Variants in AGBL4 observed in about 807,000 individuals in gnomAD.
The protein encoded by AGBL4 is cytosolic carboxypeptidase 6.
Under a neutral mutation model 66.4 loss-of-function variants are expected in AGBL4, and 58 were observed. The observed-to-expected ratio is 0.87, with a 90% CI of 0.71 to 1.09. The LOEUF (loss-of-function observed/expected upper bound fraction) is 1.09, where lower values mean the gene tolerates loss of function less well. Among genes scored for constraint, AGBL4 ranks in the 50% least tolerant of loss-of-function variants. The pLI is 0.00. For synonymous variants in AGBL4, 234 were observed against 222.9 expected, an observed-to-expected ratio of 1.05 and a Z score of -0.44; for missense variants, 579 against 631.0, an observed-to-expected ratio of 0.92 and a Z score of 0.88.
chr1:49,492,289 T>C (rs1018267758), intron 3 of AGBL4, among the ~76,000 whole-genome samples: 1 of 151,928 alleles, frequency 6.6e-6, no homozygotes, highest in Non-Finnish European at 1.5e-5. Flanking sequence ...ACAGACAGGT[T>C]GTGTATATAG....
chr1:49,316,767 C>T (rs887903000), intron 3 of AGBL4, among the ~76,000 whole-genome samples: 1 of 151,744 alleles, frequency 6.6e-6, no homozygotes, highest in Non-Finnish European at 1.5e-5. Flanking sequence ...AATTTTGTAT[C>T]TGGAAATTTG....
intron 3 of AGBL4, among the ~76,000 whole-genome samples, chr1:49,542,774 T>C (rs911411781): frequency 3.9e-4 from 59 of 151,784 alleles, no homozygotes; most frequent in Non-Finnish European, 4.7e-4. Flanking sequence ...GGCGTACACC[T>C]GTGGTGCCAG....
chr1:48,572,953 T>C (rs1382694438), intron 11 of AGBL4, among the ~76,000 whole-genome samples: 1 of 152,162 alleles, frequency 6.6e-6, no homozygotes, highest in Non-Finnish European at 1.5e-5. Flanking sequence ...GTTCAGTGGG[T>C]TACCAGCCCT....
intron 3 of AGBL4, among the ~76,000 whole-genome samples, chr1:49,410,794 C>T (rs1443088117): frequency 6.6e-6 from 1 of 152,078 alleles, no homozygotes; most frequent in Admixed American, 6.5e-5. Context: ...ATTGGATATG[C>T]TAGGATCCCT....
chr1:48,856,728 G>T (rs1265484086), intron 6 of AGBL4, among the ~76,000 whole-genome samples: 26 of 152,220 alleles, frequency 1.7e-4, no homozygotes, highest in Non-Finnish European at 1.5e-5. Flanking sequence ...AGGGGATAAA[G>T]AACTTTGTGA....
intron 3 of AGBL4, among the ~76,000 whole-genome samples, chr1:49,492,522 G>A (rs553904109): frequency 2.6e-5 from 4 of 152,012 alleles, no homozygotes; most frequent in Non-Finnish European, 4.4e-5. Flanking sequence ...AAACAGTTCC[G>A]AAATTCACCA....
Position 48,546,060 on chromosome 1 carries a change from G to A in AGBL4, c.1268-6322C>T, listed in dbSNP as rs544285479. ...TTCCAGTTAACTATATTACCTGGGA[G>A]GCTGTTGCACTGTCATCTTCACAAA... On this transcript the variant is annotated intron_variant, in intron 11 of 13. Coordinates refer to ENST00000371839, the MANE Select transcript of AGBL4 (RefSeq NM_032785.4). Among the ~76,000 whole-genome samples the A allele has an allele frequency of 2.0e-5, 3 of 152,296 alleles. No homozygotes were observed. In the South Asian group the frequency reaches 6.2e-4, roughly 32 times the overall value.
chr1:48,674,393 T>C (rs981508218), intron 6 of AGBL4, among the ~76,000 whole-genome samples: 6 of 151,990 alleles, frequency 3.9e-5, no homozygotes, highest in Non-Finnish European at 8.8e-5. Flanking sequence ...AGCTGGCAAG[T>C]GATGAGAGCA....
chr1:49,747,978 GCAGA>G (rs1651128741), intron 2 of AGBL4, among the ~76,000 whole-genome samples: 1 of 147,724 alleles, frequency 6.8e-6, no homozygotes, highest in Non-Finnish European at 1.5e-5. Flanking sequence ...GTGTGTGCAT[GCAGA>G]CAAAGAAAGA....
intron 5 of AGBL4, among the ~76,000 whole-genome samples, chr1:48,947,386 G>A (rs1447833780): frequency 6.6e-6 from 1 of 152,224 alleles, no homozygotes; most frequent in Non-Finnish European, 1.5e-5. Flanking sequence ...GTCTCAATAA[G>A]TATTTCCAGA....
chr1:48,858,960 T>C (rs557133302), intron 6 of AGBL4, among the ~76,000 whole-genome samples: 10 of 152,248 alleles, frequency 6.6e-5, no homozygotes, highest in African/African-American at 2.2e-4. Flanking sequence ...GTCATCCTCA[T>C]TGCAGTGCAC....
intron 5 of AGBL4, among the ~76,000 whole-genome samples, chr1:48,983,656 G>A (rs913725594): frequency 2.0e-5 from 3 of 152,092 alleles, no homozygotes; most frequent in South Asian, 2.1e-4. Context: ...AATGTTAATC[G>A]AGGAAGCAAA....
intron 1 of AGBL4, among the ~76,000 whole-genome samples, chr1:49,928,733 T>C (rs985048381): frequency 6.6e-6 from 1 of 151,944 alleles, no homozygotes; most frequent in Non-Finnish European, 1.5e-5. Flanking sequence ...TCAAGTTGCT[T>C]AAAACCACTG....
intron 4 of AGBL4, among the ~76,000 whole-genome samples, chr1:49,110,553 T>A (rs1383982878): frequency 3.1e-4 from 47 of 152,216 alleles, no homozygotes; most frequent in Admixed American, 3.1e-3. Flanking sequence ...TATAATCCTG[T>A]TAGCATGGAT....
chr1:49,721,840 G>T lies in AGBL4; in HGVS notation c.158-24403C>A, dbSNP rs548699097. ...GATAATTTTATATAAATACTTAATTGGCTTTCATAGGAAAGAAGGGACAAA... is the reference window on the plus strand; with the variant it reads ...GATAATTTTATATAAATACTTAATTTGCTTTCATAGGAAAGAAGGGACAAA... On this transcript the variant is annotated intron_variant, in intron 2 of 13. Coordinates refer to ENST00000371839, the MANE Select transcript of AGBL4 (RefSeq NM_032785.4). Among the ~76,000 whole-genome samples, 3 of 152,120 alleles carry T rather than the reference G, an allele frequency of 2.0e-5. No individual in the cohort carries two copies. In the South Asian group the frequency reaches 6.2e-4, roughly 32 times the overall value.
intron 5 of AGBL4, among the ~76,000 whole-genome samples, chr1:49,014,913 G>A (rs956698000): frequency 1.3e-5 from 2 of 152,278 alleles, no homozygotes; most frequent in African/African-American, 4.8e-5. Context: ...GAGATACACA[G>A]TTATCTTACC....
chr1:49,268,658 C>A (rs1054183007), intron 3 of AGBL4, among the ~76,000 whole-genome samples: 8 of 152,154 alleles, frequency 5.3e-5, no homozygotes, highest in Non-Finnish European at 1.2e-4. Flanking sequence ...TGCATGATTT[C>A]TCACACTGCT....
At chr1:48,687,669 C>T (rs1557879338) in intron 6 of AGBL4, among the ~76,000 whole-genome samples, 1 of 152,222 alleles carries the variant, frequency 6.6e-6, no homozygotes, top group Non-Finnish European at 1.5e-5. Context: ...ACTTCCTGAC[C>T]TCTCTGAGCC....
chr1:49,776,032 G>C (rs965472343), intron 2 of AGBL4, among the ~76,000 whole-genome samples: 1 of 152,042 alleles, frequency 6.6e-6, no homozygotes, highest in African/African-American at 2.4e-5. Context: ...TTCTCTGAAG[G>C]AGTTCAGAGT....
Sources: allele counts gnomAD v4.1 joint callset (sites outside exome capture counted in the v4.1 genomes callset), GRCh38; gene constraint gnomAD v4.1.1; transcripts MANE v1.5; gene names NCBI Gene and HGNC (gene_info 2026-07-23, HGNC 2026-07-21).